GLG1: variants seen among roughly 807,000 people sequenced by gnomAD.
GLG1 encodes the protein golgi glycoprotein 1, also known as Golgi apparatus protein 1.
Under a neutral mutation model 160.5 loss-of-function variants are expected in GLG1, and 38 were observed. The ratio of observed to expected loss-of-function variants is 0.24; its 90% CI spans 0.18 to 0.31. The LOEUF (loss-of-function observed/expected upper bound fraction) is 0.31. GLG1 is among the 10% of genes least tolerant of loss of function. The pLI is 1.00. For synonymous variants in GLG1, 644 were observed against 543.4 expected, an observed-to-expected ratio of 1.19 and a Z score of -2.57; for missense variants, 1,373 against 1,505.2, an observed-to-expected ratio of 0.91 and a Z score of 1.45.
At chr16:74,523,436 C>A (rs2143566733) in intron 2 of GLG1, among the ~76,000 whole-genome samples, 1 of 152,204 alleles carries the variant, frequency 6.6e-6, no homozygotes, top group East Asian at 1.9e-4. Context: ...TACAGGTACT[C>A]TGTGTTTCCA....
chr16:74,588,417 T>C (rs1292432647), intron 1 of GLG1, among the ~76,000 whole-genome samples: 2 of 152,164 alleles, frequency 1.3e-5, no homozygotes, highest in East Asian at 1.9e-4. Flanking sequence ...TGGATTTGAA[T>C]TTAAGCTCTG....
At chr16:74,538,720 ATTTTGAGATTT>A (rs1419284419) in intron 1 of GLG1, among the ~76,000 whole-genome samples, 2 of 117,018 alleles carry the variant, frequency 1.7e-5, no homozygotes, top group African/African-American at 6.6e-5. Flanking sequence ...CCAACGGGAG[ATTTTGAGATTT>A]TTTTTTTTTT....
chr16:74,606,692 G>A lies in GLG1; in HGVS notation c.403C>T (p.Leu135=), dbSNP rs748869668. The A allele has an allele frequency of 1.2e-6, 2 of 1,601,798 alleles. No individual in the cohort carries two copies. The highest frequency in any genetic ancestry group is 3.4e-5 in the Admixed American group (2 of 58,776). Residue 135 remains leucine, a synonymous_variant, in exon 1 of 26, where the codon CTG becomes TTG. Coordinates refer to ENST00000422840, the MANE Select transcript of GLG1 (RefSeq NM_001145667.2). ...TCCTGCAGGCACTCGAGCACCGCCA[G>A]GTTGTTGCTCCAGGTGTGCTTAGGG... ...VCPKHTWSNN[L]AVLECLQDVR...
chr16:74,479,070 A>G (rs1351681869), intron 11 of GLG1, among the ~76,000 whole-genome samples: 1 of 132,676 alleles, frequency 7.5e-6, no homozygotes, highest in African/African-American at 2.8e-5. Context: ...AAAAAAAAAA[A>G]AAAAAAAAGC....
chr16:74,462,552 G>C lies in GLG1; in HGVS notation c.2870C>G (p.Ala957Gly). ...PKFCHGILTK[A>G]KDDSELEGQV... ...TCCTTCTAATTCTGAATCATCCTTG[G>C]CCTTAGTCAGGATACCGTGACAGAA... is the stretch of plus-strand genomic sequence containing the variant. Residue 957 changes from alanine to glycine, a missense_variant, in exon 21 of 26, where the codon GCC becomes GGC. Physicochemically the swap from Ala to Gly is moderately conservative, Grantham distance 60. Transcript: ENST00000422840. 2 of 1,613,362 alleles carry C rather than the reference G, an allele frequency of 1.2e-6. No homozygotes were observed. The highest frequency in any genetic ancestry group is 1.7e-6 in the Non-Finnish European group (2 of 1,179,312).
intron 10 of GLG1, among the ~76,000 whole-genome samples, chr16:74,482,477 T>A (rs1166681143): frequency 6.6e-6 from 1 of 152,100 alleles, no homozygotes; most frequent in African/African-American, 2.4e-5. Context: ...AACTCAGTGA[T>A]TCTGGCTGTA....
At chr16:74,568,156 G>A (rs2018713502) in intron 1 of GLG1, among the ~76,000 whole-genome samples, 1 of 152,196 alleles carries the variant, frequency 6.6e-6, no homozygotes, top group African/African-American at 2.4e-5. Context: ...TGTGAAAGAA[G>A]CCAGCCCAGA....
intron 21 of GLG1, 128 bp from the exon 22 acceptor site, chr16:74,462,323 A>T: frequency 1.2e-6 from 1 of 823,410 alleles, no homozygotes; most frequent in Non-Finnish European, 2.0e-6. Flanking sequence ...AGAACAAGAA[A>T]AAACAAAATG....
At chr16:74,501,880 A>C (rs2016415772) in intron 4 of GLG1, among the ~76,000 whole-genome samples, 1 of 152,140 alleles carries the variant, frequency 6.6e-6, no homozygotes, top group Admixed American at 6.5e-5. Flanking sequence ...TCCTTTCTTT[A>C]TTTGCCTGAA....
intron 1 of GLG1, among the ~76,000 whole-genome samples, chr16:74,599,426 G>C (rs562467584): frequency 1.3e-5 from 2 of 152,160 alleles, no homozygotes; most frequent in South Asian, 4.1e-4. Flanking sequence ...AATCTTAAGA[G>C]ATAATCCAAG....
At chr16:74,547,675 A>G (rs2018086406) in intron 1 of GLG1, among the ~76,000 whole-genome samples, 1 of 152,234 alleles carries the variant, frequency 6.6e-6, no homozygotes, top group Non-Finnish European at 1.5e-5. Context: ...AGAGAGAAAA[A>G]ATACATTTTT....
chr16:74,606,903 G>C lies in GLG1; in HGVS notation c.192C>G (p.Pro64=), dbSNP rs772359686. 4 of 1,604,678 alleles carry C rather than the reference G, an allele frequency of 2.5e-6. No individual in the cohort carries two copies. Among genetic ancestry groups the C allele is most frequent in the African/African-American group, 1.3e-5 (1 of 74,874 alleles). ...GGGGPAGQQL[P]QLPQSSQLQQ... ...GAAGCTGCGATGACTGAGGCAGCTGGGGCAGCTGCTGACCCGCCGGGCCGC... is the reference window on the plus strand; with the variant it reads ...GAAGCTGCGATGACTGAGGCAGCTGCGGCAGCTGCTGACCCGCCGGGCCGC... Residue 64 remains proline, a synonymous_variant, in exon 1 of 26, where the codon CCC becomes CCG. Transcript: ENST00000422840.
intron 2 of GLG1, among the ~76,000 whole-genome samples, chr16:74,530,037 G>A (rs550440169): frequency 2.0e-5 from 3 of 151,742 alleles, no homozygotes; most frequent in African/African-American, 7.3e-5. Context: ...TCAAACTCCC[G>A]ACCTCAGGTG....
chr16:74,492,343 G>A (rs1185649975), intron 7 of GLG1, among the ~76,000 whole-genome samples: 2 of 148,284 alleles, frequency 1.3e-5, no homozygotes, highest in African/African-American at 5.0e-5. Context: ...CTACAGCCTG[G>A]TGACAAAGCG....
At chr16:74,461,904 G>C (rs1224500826) in intron 22 of GLG1, 190 bp downstream of exon 22, 5 of 529,930 alleles carry the variant, frequency 9.4e-6, no homozygotes, top group Non-Finnish European at 1.0e-5. Flanking sequence ...ACGCTTTAGA[G>C]TGTCAGGACT....
Position 74,607,112 on chromosome 16 carries a change from C to G in GLG1, c.-18G>C. The G allele has an allele frequency of 1.3e-6, 2 of 1,505,836 alleles. No individual in the cohort carries two copies. Among genetic ancestry groups the G allele is most frequent in the East Asian group, 2.5e-5 (1 of 40,216 alleles). The allele number at this position is 1,505,836 out of a possible 1,614,324, so 93.3% of individuals were successfully genotyped here. A position where few individuals can be genotyped will look rare whatever the true frequency, so the allele number is the denominator to read the frequency against. ...GCCGCCATCTTGAGTCCGCGGCGAG[C>G]TCGACGCACTCGCCGGCGCCGCGTA... On this transcript the variant is annotated 5_prime_UTR_variant, in exon 1 of 26. Transcript: ENST00000422840.
At chr16:74,586,505 C>A (rs1049927750) in intron 1 of GLG1, among the ~76,000 whole-genome samples, 2 of 151,798 alleles carry the variant, frequency 1.3e-5, no homozygotes, top group Non-Finnish European at 2.9e-5. Flanking sequence ...GACAGGGTCT[C>A]GCTCTGTCAC....
intron 18 of GLG1, among the ~76,000 whole-genome samples, chr16:74,467,053 C>G (rs117946732): frequency 6.6e-6 from 1 of 152,298 alleles, no homozygotes; most frequent in Non-Finnish European, 1.5e-5. Flanking sequence ...CCATACCTAA[C>G]CACATCACAC....
At chr16:74,481,610 G>C (rs2143316458) in intron 10 of GLG1, among the ~76,000 whole-genome samples, 1 of 152,270 alleles carries the variant, frequency 6.6e-6, no homozygotes, top group South Asian at 2.1e-4. Context: ...CCTTTCCAGA[G>C]CTAATCTGAA....
Sources: gnomAD v4.1 joint callset for allele counts (sites outside exome capture counted in the v4.1 genomes callset) on GRCh38, gnomAD v4.1.1 for gene constraint, MANE v1.5 for transcripts, NCBI Gene and HGNC (gene_info 2026-07-23, HGNC 2026-07-21) for gene names.